Variants in CA10 observed in about 807,000 individuals in gnomAD.
CA10 encodes the protein carbonic anhydrase 10 (inactive).
A neutral mutation model predicts 44.2 loss-of-function variants in CA10; 14 were observed. The ratio of observed to expected loss-of-function variants is 0.32; its 90% CI spans 0.21 to 0.50. The LOEUF is 0.50. Among genes scored for constraint, CA10 ranks in the 20% least tolerant of loss-of-function variants. The pLI is 0.99. For synonymous variants in CA10, 159 were observed against 141.6 expected (o/e 1.12, Z -0.87); for missense variants, 350 against 409.7 (o/e 0.85, Z 1.26).
chr17:51,693,885 G>T (rs1237846278), intron 4 of CA10, among the ~76,000 whole-genome samples: 1 of 152,086 alleles, frequency 6.6e-6, no homozygotes, highest in Non-Finnish European at 1.5e-5. Context: ...GAGGTTGAAT[G>T]GTAGTTCTGT....
intron 3 of CA10, among the ~76,000 whole-genome samples, chr17:51,905,320 G>A (rs139133015): frequency 2.6e-5 from 4 of 152,064 alleles, no homozygotes; most frequent in Non-Finnish European, 5.9e-5. Context: ...GACCTCATAG[G>A]CCCATTGTAA....
intron 3 of CA10, among the ~76,000 whole-genome samples, chr17:51,799,617 A>G (rs1906849518): frequency 6.6e-6 from 1 of 152,242 alleles, no homozygotes; most frequent in African/African-American, 2.4e-5. Flanking sequence ...GTATGAAAAT[A>G]GAATACAGTA....
At chr17:51,746,206 G>A (rs1477165221) in intron 4 of CA10, among the ~76,000 whole-genome samples, 1 of 152,194 alleles carries the variant, frequency 6.6e-6, no homozygotes, top group East Asian at 1.9e-4. Flanking sequence ...AGCTTCTCTA[G>A]CACACACTGC....
intron 2 of CA10, among the ~76,000 whole-genome samples, chr17:52,044,267 A>G (rs567841246): frequency 1.1e-3 from 173 of 151,898 alleles, no homozygotes; most frequent in African/African-American, 3.9e-3. Context: ...CTGTTTCTTC[A>G]TGGTTAGTCT....
At chr17:51,829,644 A>T (rs774962242) in intron 3 of CA10, among the ~76,000 whole-genome samples, 1 of 152,206 alleles carries the variant, frequency 6.6e-6, no homozygotes, top group Non-Finnish European at 1.5e-5. Context: ...CATGTGCTAG[A>T]TGCCTTCTTT....
intron 5 of CA10, among the ~76,000 whole-genome samples, chr17:51,650,169 AT>A (rs1913511635): frequency 6.6e-6 from 1 of 152,158 alleles, no homozygotes; most frequent in African/African-American, 2.4e-5. Context: ...GGGAACCATC[AT>A]TGATGAGACT....
At chr17:51,734,972 G>A (rs1275043507) in intron 4 of CA10, among the ~76,000 whole-genome samples, 1 of 152,160 alleles carries the variant, frequency 6.6e-6, no homozygotes, top group Non-Finnish European at 1.5e-5. Context: ...AAAGAAGGAG[G>A]AGGCTTTTTC....
intron 3 of CA10, chr17:51,763,472 G>A (rs1429901581): frequency 6.6e-6 from 1 of 152,194 alleles, no homozygotes; most frequent in Non-Finnish European, 1.5e-5. Context: ...ATGAATTAGA[G>A]ACAATTAAAT....
At chr17:51,684,602 T>C (rs1039125845) in intron 4 of CA10, among the ~76,000 whole-genome samples, 1 of 152,112 alleles carries the variant, frequency 6.6e-6, no homozygotes, top group Non-Finnish European at 1.5e-5. Context: ...TAAAAGAACA[T>C]GTGGGAATGG....
chr17:51,760,889 A>G (rs961657803), intron 3 of CA10, among the ~76,000 whole-genome samples: 4 of 152,266 alleles, frequency 2.6e-5, no homozygotes, highest in African/African-American at 7.2e-5. Context: ...TCAACATGTA[A>G]TCGATATAAT....
chr17:52,070,694 C>A (rs1045348556), intron 2 of CA10, among the ~76,000 whole-genome samples: 1 of 152,094 alleles, frequency 6.6e-6, no homozygotes, highest in East Asian at 1.9e-4. Context: ...TGTAAGGGGA[C>A]AATAAAAATT....
intron 4 of CA10, among the ~76,000 whole-genome samples, chr17:51,664,140 T>A (rs1259245448): frequency 6.6e-6 from 1 of 152,182 alleles, no homozygotes; most frequent in African/African-American, 2.4e-5. Flanking sequence ...GTTTTAATTA[T>A]TGTAGAGATT....
chr17:51,821,456 G>C (rs1401922818), intron 3 of CA10, among the ~76,000 whole-genome samples: 1 of 151,912 alleles, frequency 6.6e-6, no homozygotes, highest in Admixed American at 6.5e-5. Flanking sequence ...AATACATCAT[G>C]AATCTGATCA....
intron 3 of CA10, among the ~76,000 whole-genome samples, chr17:51,925,499 T>C (rs977814734): frequency 6.6e-6 from 1 of 150,928 alleles, no homozygotes; most frequent in Non-Finnish European, 1.5e-5. Context: ...CTGATGAGAA[T>C]GTAAAATAGT....
chr17:51,688,560 G>A (rs1199163685), intron 4 of CA10, among the ~76,000 whole-genome samples: 5 of 152,162 alleles, frequency 3.3e-5, no homozygotes, highest in African/African-American at 9.7e-5. Flanking sequence ...GTGAGATGAT[G>A]TCTGTGTTTG....
chr17:51,744,326 A>AG (rs925978160), intron 4 of CA10, among the ~76,000 whole-genome samples: 1 of 152,084 alleles, frequency 6.6e-6, no homozygotes, highest in Non-Finnish European at 1.5e-5. Context: ...AAAAAAAAAA[A>AG]AAAATTATGG....
At chr17:51,633,120 G>C (rs1034700470) in intron 8 of CA10, among the ~76,000 whole-genome samples, 1 of 152,134 alleles carries the variant, frequency 6.6e-6, no homozygotes, top group African/African-American at 2.4e-5. Flanking sequence ...ATAAAAAGCT[G>C]TCTTGCCTGA....
intron 2 of CA10, among the ~76,000 whole-genome samples, chr17:51,975,487 T>C (rs1178490246): frequency 6.6e-6 from 1 of 152,176 alleles, no homozygotes; most frequent in Admixed American, 6.5e-5. Context: ...AAGACCAGCC[T>C]GGCTAACATG....
At chr17:51,691,452 A>G (rs1396169438) in intron 4 of CA10, among the ~76,000 whole-genome samples, 1 of 152,140 alleles carries the variant, frequency 6.6e-6, no homozygotes, top group Non-Finnish European at 1.5e-5. Context: ...TTGAGCTCCT[A>G]TACATTTTGG....
Sources: allele counts gnomAD v4.1 joint callset (sites outside exome capture counted in the v4.1 genomes callset), GRCh38; gene constraint gnomAD v4.1.1; transcripts MANE v1.5; gene names NCBI Gene and HGNC (gene_info 2026-07-23, HGNC 2026-07-21).